SLC4A7: variants seen among roughly 807,000 people sequenced by gnomAD.
The protein encoded by SLC4A7 is solute carrier family 4 member 7.
Under a neutral mutation model 137.6 loss-of-function variants are expected in SLC4A7, and 51 were observed. The ratio of observed to expected loss-of-function variants is 0.37; its 90% CI spans 0.30 to 0.47. SLC4A7 has a LOEUF of 0.47. SLC4A7 is among the 20% of genes least tolerant of loss of function. The pLI, the probability that SLC4A7 is intolerant of heterozygous loss-of-function variation, is 1.00. For missense variants in SLC4A7, 1,247 were observed against 1,525.4 expected, an observed-to-expected ratio of 0.82 and a Z score of 3.04; for synonymous variants, 542 against 518.6, an observed-to-expected ratio of 1.05 and a Z score of -0.61.
At chr3:27,439,008 A>G (rs968507258) in intron 3 of SLC4A7, among the ~76,000 whole-genome samples, 1 of 152,234 alleles carries the variant, frequency 6.6e-6, no homozygotes, top group Admixed American at 6.5e-5. Flanking sequence ...AGTCCAGGAC[A>G]GTTGAAAGCC....
chr3:27,417,435 A>C (rs2054503134), intron 11 of SLC4A7, among the ~76,000 whole-genome samples: 4 of 152,210 alleles, frequency 2.6e-5, no homozygotes, highest in African/African-American at 9.6e-5. Context: ...ATTCAACCTC[A>C]CTAATTATAC....
chr3:27,400,127 A>G (rs2052601714), intron 16 of SLC4A7, among the ~76,000 whole-genome samples: 1 of 152,196 alleles, frequency 6.6e-6, no homozygotes, highest in South Asian at 2.1e-4. Flanking sequence ...ATTTATTTCT[A>G]ACTCCCAGGC....
chr3:27,387,012 T>TC (rs1379851284), intron 22 of SLC4A7, among the ~76,000 whole-genome samples: 1 of 152,200 alleles, frequency 6.6e-6, no homozygotes, highest in African/African-American at 2.4e-5. Flanking sequence ...GTGATAAAAT[T>TC]CCAATGTATT....
intron 20 of SLC4A7, among the ~76,000 whole-genome samples, chr3:27,392,798 C>A (rs549793593): frequency 1.3e-5 from 2 of 151,530 alleles, no homozygotes; most frequent in East Asian, 3.9e-4. Flanking sequence ...TGCACTCCAG[C>A]CTGGGTGATG....
chr3:27,437,571 T>A, intron 3 of SLC4A7, 45 bp from the exon 4 acceptor site: 4 of 1,322,642 alleles, frequency 3.0e-6, no homozygotes, highest in Non-Finnish European at 4.0e-6. Context: ...TTTCCTCAAG[T>A]CATTCAAAGA....
chr3:27,427,387 C>T (rs1407654367), intron 7 of SLC4A7, among the ~76,000 whole-genome samples: 1 of 151,770 alleles, frequency 6.6e-6, no homozygotes, highest in Non-Finnish European at 1.5e-5. Context: ...TGATCCTCCC[C>T]TCTTGACCTT....
Position 27,434,017 on chromosome 3 carries a change from T to C in SLC4A7, c.677A>G (p.His226Arg). 1.2e-6 allele frequency: 2 copies of C among 1,613,268 alleles called. No homozygotes were observed. Among genetic ancestry groups the C allele is most frequent in the Non-Finnish European group, 1.7e-6 (2 of 1,179,282 alleles). Residue 226 changes from histidine to arginine, a missense_variant, in exon 6 of 26, where the codon CAT becomes CGT. By Grantham distance (29) the His-to-Arg change is conservative. Around this residue, in one of 6 missense-constraint regions of SLC4A7, gnomAD observed 223 missense variants for 203.6 expected, o/e 1.10. Coordinates refer to ENST00000454389, the MANE Select transcript of SLC4A7 (RefSeq NM_001321103.2). Reference protein sequence around the residue: ...NVREALLKRHHHQNEKRFTSR... With the variant: ...NVREALLKRHRHQNEKRFTSR... Reference sequence around the variant, plus strand: ...GGTGAATCTTTTCTCATTCTGATGATGATGTCTCTTCAGAAGAGCTTCTCT... The same window carrying C: ...GGTGAATCTTTTCTCATTCTGATGACGATGTCTCTTCAGAAGAGCTTCTCT...
intron 10 of SLC4A7, among the ~76,000 whole-genome samples, chr3:27,420,363 T>C (rs2054839674): frequency 6.6e-6 from 1 of 151,656 alleles, no homozygotes. Flanking sequence ...CAGAGAAATT[T>C]ACAGGAAAAA....
In SLC4A7 at chr3:27,376,803, T is replaced by C; in HGVS notation, c.3741A>G (p.Glu1247=). 1 of 1,600,832 alleles carries C rather than the reference T, an allele frequency of 6.2e-7. No homozygotes were observed. The highest frequency in any genetic ancestry group is 8.5e-7 in the Non-Finnish European group (1 of 1,171,686). The change falls in exon 26 of 26, where the codon GAA becomes GAG. Residue 1247 remains glutamate (E), a synonymous_variant. Transcript: ENST00000454389. ...CAGCATCCACGTATTTCTTTCTTGG[T>C]TCATCTTCAAAACTTATTTTCACAC... ...PVSVKISFED[E]PRKKYVDAET... is the part of the protein sequence containing the mutation.
rs1170996706 is a variant in SLC4A7, at chr3:27,374,730, T to C, written c.*2034A>G. 1 of 152,480 alleles carries C rather than the reference T, an allele frequency of 6.6e-6. No individual in the cohort carries two copies. Among genetic ancestry groups the C allele is most frequent in the Non-Finnish European group, 1.5e-5 (1 of 67,892 alleles). The allele number at this position is 152,480 out of a possible 1,614,324, so 9.4% of individuals were successfully genotyped here. ...ACAGAAACACTATGATCCCAGGTAG[T>C]TTTCAGTTTTAAAATTTCTTCCTGT... On this transcript the variant is annotated 3_prime_UTR_variant, in exon 26 of 26. Coordinates refer to ENST00000454389, the MANE Select transcript of SLC4A7 (RefSeq NM_001321103.2).
chr3:27,467,676 G>A (rs1431165266), intron 1 of SLC4A7, among the ~76,000 whole-genome samples: 3 of 152,112 alleles, frequency 2.0e-5, no homozygotes, highest in African/African-American at 7.2e-5. Context: ...TATCACTGCC[G>A]AGTTCACACT....
intron 1 of SLC4A7, among the ~76,000 whole-genome samples, chr3:27,468,419 C>T (rs2059097906): frequency 6.6e-6 from 1 of 152,110 alleles, no homozygotes; most frequent in Non-Finnish European, 1.5e-5. Flanking sequence ...GAAGATAATA[C>T]ATGATCTAAG....
intron 22 of SLC4A7, among the ~76,000 whole-genome samples, chr3:27,389,044 CT>C: frequency 6.6e-6 from 1 of 151,836 alleles, no homozygotes; most frequent in South Asian, 2.1e-4. Flanking sequence ...TATATCCATT[CT>C]CTCATTTTCT....
At chr3:27,469,446 CCT>C (rs913825193) in intron 1 of SLC4A7, among the ~76,000 whole-genome samples, 5 of 152,102 alleles carry the variant, frequency 3.3e-5, no homozygotes, top group African/African-American at 1.2e-4. Context: ...TCCACAATCC[CCT>C]CTTTGGGTTT....
chr3:27,389,921 G>A lies in SLC4A7; in HGVS notation c.3360+10C>T, dbSNP rs1310550545. Reference sequence around the variant, plus strand: ...TAATTAGTGACAAAATAAGTCTGAAGAAATCTTACCATCATGGGAAAAACC... The same window carrying A: ...TAATTAGTGACAAAATAAGTCTGAAAAAATCTTACCATCATGGGAAAAACC... On this transcript the variant is annotated intron_variant, in intron 22 of 25. Coordinates refer to ENST00000454389, the MANE Select transcript of SLC4A7 (RefSeq NM_001321103.2). The A allele has an allele frequency of 6.2e-7, 1 of 1,606,926 alleles. No homozygotes were observed.
At position 27,484,260 on chromosome 3, in the gene SLC4A7, G is replaced by A; in HGVS notation, c.-134C>T. On this transcript the variant is annotated 5_prime_UTR_variant, in exon 1 of 26. Transcript: ENST00000454389. ...ACGTGGGTGCGTCCGTGCGCGAGGTGTGCGCGCGTGGGGAGAGCCGGGCGC... is the reference window on the plus strand; with the variant it reads ...ACGTGGGTGCGTCCGTGCGCGAGGTATGCGCGCGTGGGGAGAGCCGGGCGC... 1.5e-6 allele frequency: 1 copy of A among 667,852 alleles called. No individual in the cohort carries two copies. 41.4% of individuals were successfully genotyped at this position (667,852 alleles called of 1,614,324 possible).
chr3:27,386,061 A>G (rs1034819218), intron 22 of SLC4A7, 38 bp from the exon 23 acceptor site: 2 of 1,511,912 alleles, frequency 1.3e-6, no homozygotes, highest in Non-Finnish European at 1.8e-6. Context: ...AGTAACACAT[A>G]ATACAAACTG....
chr3:27,425,332 T>C (rs1439616209), intron 7 of SLC4A7, among the ~76,000 whole-genome samples: 2 of 133,200 alleles, frequency 1.5e-5, no homozygotes, highest in Non-Finnish European at 3.1e-5. Flanking sequence ...ATTGCACCAT[T>C]GCACTCCAGC....
At chr3:27,440,854 G>A (rs1367560678) in intron 3 of SLC4A7, among the ~76,000 whole-genome samples, 4 of 152,174 alleles carry the variant, frequency 2.6e-5, no homozygotes, top group African/African-American at 9.7e-5. Context: ...AGATCAGCCT[G>A]GCCAACATGG....
Sources: gnomAD v4.1 joint callset for allele counts (sites outside exome capture counted in the v4.1 genomes callset) on GRCh38, gnomAD v4.1.1 for gene constraint, gnomAD v4.1.1 regional missense constraint, MANE v1.5 for transcripts, NCBI Gene and HGNC (gene_info 2026-07-23, HGNC 2026-07-21) for gene names.